The following EFL1 variants were observed in gnomAD, a reference collection of about 807,000 sequenced individuals.
EFL1 encodes elongation factor like GTPase 1.
EFL1 carries 76 observed loss-of-function variants against 126.7 expected under a neutral mutation model. That is an observed-to-expected ratio of 0.60 (90% CI 0.50 to 0.73). EFL1 has a LOEUF of 0.73. Ranked by LOEUF, EFL1 falls within the 30% of genes least tolerant of loss-of-function variation. The pLI is 0.00. For synonymous variants in EFL1, 410 were observed against 448.4 expected (o/e 0.91, Z 1.08); for missense variants, 1,128 against 1,343.2 (o/e 0.84, Z 2.50).
chr15:82,227,989 T>A (rs1159842639), intron 10 of EFL1, among the ~76,000 whole-genome samples: 2 of 152,222 alleles, frequency 1.3e-5, no homozygotes, highest in Non-Finnish European at 2.9e-5. Flanking sequence ...AAGTTCACTA[T>A]TAGTAATGTT....
chr15:82,143,939 G>A (rs549053272), intron 18 of EFL1, among the ~76,000 whole-genome samples: 53 of 152,196 alleles, frequency 3.5e-4, no homozygotes, highest in African/African-American at 1.2e-3. Flanking sequence ...GGGCTCAAGC[G>A]ATCTCCTGCC....
chr15:82,138,889 T>G (rs1017777038), intron 18 of EFL1, 47 bp from the exon 19 acceptor site: 1 of 1,562,028 alleles, frequency 6.4e-7, no homozygotes, highest in Admixed American at 1.8e-5. Context: ...TCATATGGCT[T>G]GAGCCACACC....
At chr15:82,240,320 AGT>A (rs1476227374) in intron 6 of EFL1, 96 bp downstream of exon 6, 3 of 1,201,916 alleles carry the variant, frequency 2.5e-6, no homozygotes, top group East Asian at 5.1e-5. Flanking sequence ...GAAGTGGAAA[AGT>A]TCCCTTTTCT....
intron 15 of EFL1, among the ~76,000 whole-genome samples, chr15:82,173,937 C>A (rs2074163636): frequency 6.6e-6 from 1 of 152,030 alleles, no homozygotes; most frequent in Non-Finnish European, 1.5e-5. Flanking sequence ...CACCTGTAAT[C>A]CCAGCACTTT....
chr15:82,235,903 C>G (rs1240093789), intron 7 of EFL1, among the ~76,000 whole-genome samples: 3 of 152,042 alleles, frequency 2.0e-5, no homozygotes, highest in Non-Finnish European at 4.4e-5. Context: ...AATACAACAA[C>G]CCCTATTTGC....
rs577220512 is a variant in EFL1 at position 82,241,466 on chromosome 15, C to T, written c.245-63G>A. 12 of 1,540,328 alleles carry T rather than the reference C, an allele frequency of 7.8e-6. No individual in the cohort carries two copies. In the Admixed American group the frequency reaches 9.7e-5, roughly 12 times the overall value. ...CAGGTACACAATGTTCTTCCTCAGG[C>T]GTTCTAGAATAAGAAAGCTGAAAGC... On this transcript the variant is annotated intron_variant, in intron 4 of 19. Coordinates refer to ENST00000268206, the MANE Select transcript of EFL1 (RefSeq NM_024580.6).
intron 15 of EFL1, among the ~76,000 whole-genome samples, chr15:82,167,915 C>A (rs1433632122): frequency 6.6e-6 from 1 of 152,194 alleles, no homozygotes; most frequent in African/African-American, 2.4e-5. Context: ...GAACCATCAA[C>A]CTGTTCCTGT....
In EFL1 at chr15:82,214,620, T is replaced by G. The variant is rs553254128; in HGVS notation, c.1750+97A>C. 2.2e-4 allele frequency: 318 copies of G among 1,438,170 alleles called. 1 individual carries two copies. In the African/African-American group the frequency reaches 4.2e-3, roughly 19 times the overall value. The allele number at this position is 1,438,170 out of a possible 1,614,324, so 89.1% of individuals were successfully genotyped here. A position where few individuals can be genotyped will look rare whatever the true frequency, so the allele number is the denominator to read the frequency against. ...AAAAAAAAATTATCAAACTAAAGAA[T>G]AAAGTTATTCCCTTCAAAAATTTCA... On this transcript the variant is annotated intron_variant, in intron 15 of 19. Coordinates refer to ENST00000268206, the MANE Select transcript of EFL1 (RefSeq NM_024580.6).
At chr15:82,225,302 C>T (rs778991239) in intron 11 of EFL1, 38 bp from the exon 12 acceptor site, 3 of 1,365,764 alleles carry the variant, frequency 2.2e-6, no homozygotes, top group Non-Finnish European at 3.0e-6. Context: ...CTATTTTTCC[C>T]ATTATTAAAA....
intron 16 of EFL1, among the ~76,000 whole-genome samples, chr15:82,163,509 C>T (rs2074044727): frequency 6.6e-6 from 1 of 152,260 alleles, no homozygotes; most frequent in Middle Eastern, 3.4e-3. Context: ...GTACTCTAGC[C>T]TGCGCAACAG....
At chr15:82,198,173 C>A (rs1258018144) in intron 15 of EFL1, among the ~76,000 whole-genome samples, 1 of 152,176 alleles carries the variant, frequency 6.6e-6, no homozygotes, top group Non-Finnish European at 1.5e-5. Context: ...TGATGAAAAT[C>A]TGTGGGAAAG....
chr15:82,228,997 C>A, intron 9 of EFL1, 37 bp downstream of exon 9: 1 of 1,536,150 alleles, frequency 6.5e-7, no homozygotes, highest in Non-Finnish European at 8.9e-7. Flanking sequence ...AATTATACTG[C>A]CTAAAGATGC....
At chr15:82,201,691 C>T (rs2074469579) in intron 15 of EFL1, among the ~76,000 whole-genome samples, 1 of 100,652 alleles carries the variant, frequency 9.9e-6, no homozygotes, top group African/African-American at 4.6e-5. Flanking sequence ...TAGTTAATAA[C>T]TTCTTGCAAA....
chr15:82,224,681 C>T lies in EFL1; in HGVS notation c.1292+484G>A, dbSNP rs1349508957. ...CAGCAGAGACAGAAGGAGGGGAACA[C>T]ACATAAAAAACAGGAAATGTAGAAG... On this transcript the variant is annotated intron_variant, in intron 12 of 19. Coordinates refer to ENST00000268206, the MANE Select transcript of EFL1 (RefSeq NM_024580.6). Among the ~76,000 whole-genome samples the T allele has an allele frequency of 2.0e-5, 3 of 152,098 alleles. No individual in the cohort carries two copies. In the South Asian group the frequency reaches 6.2e-4, roughly 31 times the overall value.
intron 15 of EFL1, among the ~76,000 whole-genome samples, chr15:82,210,739 G>T (rs965944857): frequency 6.6e-6 from 1 of 151,870 alleles, no homozygotes; most frequent in Non-Finnish European, 1.5e-5. Context: ...GTGGTTGCTT[G>T]TAATCGCAGC....
Position 82,259,278 on chromosome 15 carries a change from C to G in EFL1, c.92-123G>C, listed in dbSNP as rs535877187. ...AGTAAAGATTTTCTATTTACCTATG[C>G]TAGGTGACAAAAGAGATTTATTAGA... On this transcript the variant is annotated intron_variant, in intron 2 of 19. Transcript: ENST00000268206. 121 of 812,512 alleles carry G rather than the reference C, an allele frequency of 1.5e-4. No individual in the cohort carries two copies. The African/African-American group carries it at 1.9e-3, about 13-fold the overall frequency. 50.3% of individuals were successfully genotyped at this position (812,512 alleles called of 1,614,324 possible).
chr15:82,189,077 C>A (rs146205695), intron 15 of EFL1, among the ~76,000 whole-genome samples: 2 of 152,292 alleles, frequency 1.3e-5, no homozygotes, highest in African/African-American at 4.8e-5. Flanking sequence ...GTACAGCCTA[C>A]TACACACCTA....
intron 4 of EFL1, among the ~76,000 whole-genome samples, chr15:82,246,365 T>G (rs571763967): frequency 6.6e-6 from 1 of 152,254 alleles, no homozygotes; most frequent in East Asian, 1.9e-4. Flanking sequence ...TTACTTCTTA[T>G]AATCTCTCTA....
chr15:82,167,039 T>C (rs916215722), intron 15 of EFL1, among the ~76,000 whole-genome samples: 4 of 152,178 alleles, frequency 2.6e-5, no homozygotes, highest in Admixed American at 1.3e-4. Context: ...TAGCGTGCCA[T>C]TGATTTGATT....
Sources: allele counts gnomAD v4.1 joint callset (sites outside exome capture counted in the v4.1 genomes callset), GRCh38; gene constraint gnomAD v4.1.1; transcripts MANE v1.5; gene names NCBI Gene and HGNC (gene_info 2026-07-23, HGNC 2026-07-21).